RXRG: variants seen among roughly 807,000 people sequenced by gnomAD.
RXRG encodes retinoic acid receptor RXR-gamma.
In RXRG, 19 loss-of-function variants were observed where a neutral mutation model predicts 49.2. The observed-to-expected ratio is 0.39, with a 90% confidence interval of 0.27 to 0.57. The LOEUF is 0.57. Among genes scored for constraint, RXRG ranks in the 20% least tolerant of loss-of-function variants. The probability of loss-of-function intolerance (pLI) is 0.64; values close to 1 mark genes in which losing one functional copy is unlikely to be tolerated. For missense variants in RXRG, 452 were observed against 592.5 expected (o/e 0.76, Z 2.46); for synonymous variants, 224 against 216.6 (o/e 1.03, Z -0.30).
chr1:165,428,950 A>G lies in RXRG; in HGVS notation c.66T>C (p.Thr22=). Residue 22 remains threonine (T), a synonymous_variant, in exon 2 of 10, where the codon ACT becomes ACC. Coordinates refer to ENST00000359842, the MANE Select transcript of RXRG (RefSeq NM_006917.5). ...PAGYGGSPGH[T]GSTSMSPSAA... The stretch of plus-strand genomic sequence containing the variant: ...CTGATGGGCTCATGGATGTAGAGCC[A>G]GTGTGGCCAGGGGAGCCTGTAAGAA... The G allele has an allele frequency of 6.2e-7, 1 of 1,613,254 alleles. No individual in the cohort carries two copies. The highest frequency in any genetic ancestry group is 8.5e-7 in the Non-Finnish European group (1 of 1,179,796).
At chr1:165,406,994 C>T in intron 8 of RXRG, 77 bp from the exon 9 acceptor site, 1 of 1,017,206 alleles carries the variant, frequency 9.8e-7, no homozygotes, top group Non-Finnish European at 1.5e-6. Flanking sequence ...TGGCCACTCT[C>T]TGTAGAGTTA....
At position 165,437,223 on chromosome 1, in the gene RXRG, T is replaced by C. The variant is rs756988813; in HGVS notation, c.49+7622A>G. The C allele has an allele frequency of 2.3e-5, 32 of 1,366,762 alleles. No homozygotes were observed. In the Admixed American group the frequency reaches 6.1e-4, roughly 26 times the overall value. The allele number at this position is 1,366,762 out of a possible 1,614,324, so 84.7% of individuals were successfully genotyped here. On this transcript the variant is annotated intron_variant, in intron 1 of 9. Transcript: ENST00000359842. ...CACCCTAGACCAAGAAGAATGCCAG[T>C]CAGTCAGTCAGCCAGCACGCCTGGC...
chr1:165,433,641 G>A (rs748789193), intron 1 of RXRG, among the ~76,000 whole-genome samples: 5 of 152,218 alleles, frequency 3.3e-5, no homozygotes, highest in Non-Finnish European at 7.3e-5. Flanking sequence ...ATTTCCCCCA[G>A]TAAGGAGCTG....
In RXRG at chr1:165,428,804, C is replaced by A; in HGVS notation, c.212G>T (p.Arg71Leu). 1 of 1,613,968 alleles carries A rather than the reference C, an allele frequency of 6.2e-7. No homozygotes were observed. Among genetic ancestry groups the A allele is most frequent in the South Asian group, 1.1e-5 (1 of 91,064 alleles). The change falls in exon 2 of 10, where the codon CGA (arginine) becomes CTA (leucine). Residue 71 changes from arginine (R) to leucine (L), a missense_variant. Around this residue, in one of 2 missense-constraint regions of RXRG, gnomAD observed 166 missense variants for 151.7 expected, o/e 1.09. Transcript: ENST00000359842. ...TPLNALGSPY[R>L]VITSAMGPPS... ...TGGGCCCATGGCAGAGGTGATGACTCGATATGGAGAGCCCAGGGCATTGAG... is the reference window on the plus strand; with the variant it reads ...TGGGCCCATGGCAGAGGTGATGACTAGATATGGAGAGCCCAGGGCATTGAG...
chr1:165,432,300 G>C (rs181515202), intron 1 of RXRG, among the ~76,000 whole-genome samples: 1 of 152,102 alleles, frequency 6.6e-6, no homozygotes, highest in Non-Finnish European at 1.5e-5. Flanking sequence ...TATTTCTGTT[G>C]AGTCAATGAC....
chr1:165,422,293 G>A (rs1658345806), intron 2 of RXRG, among the ~76,000 whole-genome samples: 1 of 152,204 alleles, frequency 6.6e-6, no homozygotes, highest in Admixed American at 6.5e-5. Flanking sequence ...TACAGATAAG[G>A]ACATTGAGCC....
chr1:165,415,250 G>A (rs1658088742), intron 4 of RXRG, among the ~76,000 whole-genome samples: 1 of 152,204 alleles, frequency 6.6e-6, no homozygotes, highest in South Asian at 2.1e-4. Context: ...AGGCCCTGAG[G>A]TGGGTGCATC....
intron 9 of RXRG, among the ~76,000 whole-genome samples, chr1:165,404,347 T>C (rs1657676632): frequency 6.6e-6 from 1 of 152,214 alleles, no homozygotes; most frequent in African/African-American, 2.4e-5. Context: ...TGGCAACAAG[T>C]GTTGGCCTCT....
At chr1:165,408,190 T>A (rs1241259415) in intron 8 of RXRG, 37 bp downstream of exon 8, 3 of 1,492,076 alleles carry the variant, frequency 2.0e-6, no homozygotes, top group Non-Finnish European at 2.8e-6. Context: ...GGAAGAGGGC[T>A]GAACACACAC....
Position 165,428,800 on chromosome 1 carries a change from G to A in RXRG, c.216C>T (p.Val72=), listed in dbSNP as rs754205838. 11 of 1,613,928 alleles carry A rather than the reference G, an allele frequency of 6.8e-6. No individual in the cohort carries two copies. Among genetic ancestry groups the A allele is most frequent in the Non-Finnish European group, 8.5e-6 (10 of 1,179,830 alleles). ...PLNALGSPYR[V]ITSAMGPPSG... ...AGGGTGGGCCCATGGCAGAGGTGAT[G>A]ACTCGATATGGAGAGCCCAGGGCAT... Residue 72 remains valine, a synonymous_variant, in exon 2 of 10, where the codon GTC becomes GTT. Transcript: ENST00000359842.
chr1:165,414,778 A>G (rs189684095), intron 4 of RXRG, among the ~76,000 whole-genome samples: 91 of 152,314 alleles, frequency 6.0e-4, no homozygotes, highest in African/African-American at 2.1e-3. Flanking sequence ...GCATGCTCCA[A>G]TCTGTAACAT....
At chr1:165,442,908 C>T (rs1659050497) in intron 1 of RXRG, among the ~76,000 whole-genome samples, 1 of 152,238 alleles carries the variant, frequency 6.6e-6, no homozygotes, top group Non-Finnish European at 1.5e-5. Flanking sequence ...CACACTACCT[C>T]TTCCTGCCTC....
intron 2 of RXRG, among the ~76,000 whole-genome samples, chr1:165,426,570 A>T (rs1396358596): frequency 6.6e-6 from 1 of 152,172 alleles, no homozygotes; most frequent in Non-Finnish European, 1.5e-5. Context: ...ACCCTAGAAT[A>T]TGAGGTGTCT....
At chr1:165,439,492 G>A (rs555888572) in intron 1 of RXRG, among the ~76,000 whole-genome samples, 53 of 152,352 alleles carry the variant, frequency 3.5e-4, no homozygotes, top group Admixed American at 3.4e-3. Context: ...CCGAACTGGG[G>A]TTGCGTGAAG....
At chr1:165,434,358 A>G (rs1658767969) in intron 1 of RXRG, among the ~76,000 whole-genome samples, 1 of 151,922 alleles carries the variant, frequency 6.6e-6, no homozygotes. Context: ...CAGGGTACTT[A>G]GAACTACAGA....
intron 1 of RXRG, among the ~76,000 whole-genome samples, chr1:165,432,312 C>A (rs1471193617): frequency 1.3e-5 from 2 of 152,018 alleles, no homozygotes; most frequent in Non-Finnish European, 2.9e-5. Context: ...GTCAATGACC[C>A]AGAAGAGGTG....
At chr1:165,420,780 A>T (rs942459696) in intron 2 of RXRG, among the ~76,000 whole-genome samples, 11 of 152,350 alleles carry the variant, frequency 7.2e-5, no homozygotes, top group African/African-American at 2.6e-4. Context: ...TGAGCCACTC[A>T]TCCAATCAGC....
rs558292807 is a variant in RXRG at position 165,418,819 on chromosome 1, G to A, written c.442+1051C>T. On this transcript the variant is annotated intron_variant, in intron 3 of 9. Transcript: ENST00000359842. ...TAAGCATAGCAGAGAAAACACTGTC[G>A]GGCTGTGGCTGGTGTGCTATTATGG... Among the ~76,000 whole-genome samples, 38 of 151,956 alleles carry A rather than the reference G, an allele frequency of 2.5e-4. No individual in the cohort carries two copies. The South Asian group carries it at 6.9e-3, about 28-fold the overall frequency.
intron 4 of RXRG, among the ~76,000 whole-genome samples, chr1:165,412,182 T>C (rs951958807): frequency 6.6e-6 from 1 of 152,120 alleles, no homozygotes; most frequent in Non-Finnish European, 1.5e-5. Flanking sequence ...GCCGAACATC[T>C]AGTTTGTCAT....
Sources: gnomAD v4.1 joint callset for allele counts (sites outside exome capture counted in the v4.1 genomes callset) on GRCh38, gnomAD v4.1.1 for gene constraint, gnomAD v4.1.1 regional missense constraint, MANE v1.5 for transcripts, NCBI Gene and HGNC (gene_info 2026-07-23, HGNC 2026-07-21) for gene names.